Variants in VPS13D observed in about 807,000 individuals in gnomAD.
The protein encoded by VPS13D is vacuolar protein sorting 13 homolog D.
Under a neutral mutation model 461.9 loss-of-function variants are expected in VPS13D, and 187 were observed. The observed-to-expected ratio is 0.40, with a 90% CI of 0.36 to 0.46. The LOEUF is 0.46. Ranked by LOEUF, VPS13D falls within the 20% of genes least tolerant of loss-of-function variation. VPS13D has a pLI of 0.60. For missense variants in VPS13D, 4,711 were observed against 5,364.9 expected, an observed-to-expected ratio of 0.88 and a Z score of 3.81; for synonymous variants, 1,951 against 1,986.3, an observed-to-expected ratio of 0.98 and a Z score of 0.47.
intron 23 of VPS13D, among the ~76,000 whole-genome samples, chr1:12,292,795 T>G (rs1002613570): frequency 1.3e-5 from 2 of 152,126 alleles, no homozygotes; most frequent in Non-Finnish European, 2.9e-5. Context: ...AAAAACTGTT[T>G]CAAGAAGATA....
At chr1:12,322,052 C>T (rs761586632) in intron 33 of VPS13D, 88 bp downstream of exon 33, 3 of 1,519,932 alleles carry the variant, frequency 2.0e-6, no homozygotes, top group Admixed American at 2.1e-5. Flanking sequence ...GCCCAACAAC[C>T]TCTTTTTTTG....
rs574680068 is a variant in VPS13D, at chr1:12,331,384, T to G, written c.8287+1466T>G. Among the ~76,000 whole-genome samples the G allele has an allele frequency of 2.0e-5, 3 of 152,294 alleles. No individual in the cohort carries two copies. In the East Asian group the frequency reaches 5.8e-4, roughly 29 times the overall value. On this transcript the variant is annotated intron_variant, in intron 37 of 69. Coordinates refer to ENST00000620676, the MANE Select transcript of VPS13D (RefSeq NM_015378.4). ...TTTATGTTAGTTAACATTTTCCCTG[T>G]GTACCAGACTCACTTAAAGCTAACA...
chr1:12,288,211 G>A lies in VPS13D; in HGVS notation c.5635-12G>A, dbSNP rs559395827. ...AGTAATATTGGCCTTGCTTTATCTT[G>A]TCTGTTCCTAGGTTCATTCACTTTC... On this transcript the variant is annotated splice_polypyrimidine_tract_variant and intron_variant, in intron 21 of 69. Transcript: ENST00000620676. 1 of 1,606,496 alleles carries A rather than the reference G, an allele frequency of 6.2e-7. No individual in the cohort carries two copies. The highest frequency in any genetic ancestry group is 1.7e-5 in the Admixed American group (1 of 59,870).
chr1:12,294,224 T>G (rs746334835), intron 24 of VPS13D, among the ~76,000 whole-genome samples: 7 of 152,314 alleles, frequency 4.6e-5, no homozygotes, highest in African/African-American at 1.7e-4. Context: ...ATGGAAAGAA[T>G]AATATTTTAT....
rs190022281 is a variant in VPS13D at position 12,356,009 on chromosome 1, C to G, written c.9790C>G (p.Leu3264Val). ...LYDVNRRQLN[L>V]TIRIVCRAEG... is the part of the protein sequence containing the mutation. ...TGACGTCAACCGTCGGCAGCTGAAC[C>G]TCACCATCCGGATTGTGTGTCGAGC... Residue 3264 changes from leucine to valine, a missense_variant, in exon 48 of 70, where the codon CTC (leucine) becomes GTC (valine). Physicochemically the swap from Leu to Val is conservative, Grantham distance 32 (BLOSUM62 1). Around this residue, in one of 3 missense-constraint regions of VPS13D, gnomAD observed 4,411 missense variants for 4,937.8 expected, o/e 0.89. Coordinates refer to ENST00000620676, the MANE Select transcript of VPS13D (RefSeq NM_015378.4). The G allele has an allele frequency of 6.2e-7, 1 of 1,614,126 alleles. No homozygotes were observed. The highest frequency in any genetic ancestry group is 1.7e-5 in the Admixed American group (1 of 60,030).
intron 65 of VPS13D, among the ~76,000 whole-genome samples, chr1:12,451,323 C>G (rs1645259629): frequency 6.6e-6 from 1 of 152,158 alleles, no homozygotes; most frequent in South Asian, 2.1e-4. Flanking sequence ...TGAAGTACTT[C>G]TGAGATTTTT....
At chr1:12,350,787 A>G (rs928004250) in intron 46 of VPS13D, among the ~76,000 whole-genome samples, 4 of 152,228 alleles carry the variant, frequency 2.6e-5, no homozygotes, top group African/African-American at 7.2e-5. Flanking sequence ...AAATTTGACA[A>G]ACTTCTAGCA....
Position 12,257,992 on chromosome 1 carries a change from G to C in VPS13D, c.999G>C (p.Gln333His). Residue 333 changes from glutamine (Q) to histidine (H), a missense_variant, in exon 10 of 70, where the codon CAG (glutamine) becomes CAC (histidine). Coordinates refer to ENST00000620676, the MANE Select transcript of VPS13D (RefSeq NM_015378.4). ...CTAACTTGTATGAGATCAGAGAGCA[G>C]AGGAAACGTTGCACCTGGGACTTTA... ...LNANLYEIRE[Q>H]RKRCTWDFML... The C allele has an allele frequency of 6.2e-7, 1 of 1,614,218 alleles. No homozygotes were observed. Among genetic ancestry groups the C allele is most frequent in the African/African-American group, 1.3e-5 (1 of 75,052 alleles).
chr1:12,232,352 G>A (rs1009259749), intron 1 of VPS13D, among the ~76,000 whole-genome samples: 1 of 152,206 alleles, frequency 6.6e-6, no homozygotes, highest in African/African-American at 2.4e-5. Flanking sequence ...TTGGATGGCA[G>A]CCTCTCAGTT....
chr1:12,353,393 CGTGGTG>C (rs938496360), intron 46 of VPS13D, among the ~76,000 whole-genome samples: 13 of 151,746 alleles, frequency 8.6e-5, no homozygotes, highest in African/African-American at 2.9e-4. Flanking sequence ...ATTAGCTGGA[CGTGGTG>C]GTGGTCGCCT....
intron 60 of VPS13D, among the ~76,000 whole-genome samples, chr1:12,391,325 C>G (rs537450466): frequency 6.6e-6 from 1 of 152,204 alleles, no homozygotes; most frequent in South Asian, 2.1e-4. Flanking sequence ...GAACCAGGCT[C>G]TAGTCTTCCC....
In VPS13D at chr1:12,358,618, G is replaced by A; in HGVS notation, c.10141+17G>A. On this transcript the variant is annotated intron_variant, in intron 50 of 69. Coordinates refer to ENST00000620676, the MANE Select transcript of VPS13D (RefSeq NM_015378.4). The stretch of plus-strand genomic sequence containing the variant: ...ATAACATTGGTGGGTTACATTTGGG[G>A]CAGCGGGACAATCAGAACCATTGGC... The A allele has an allele frequency of 1.2e-6, 2 of 1,613,096 alleles. No individual in the cohort carries two copies. The highest frequency in any genetic ancestry group is 2.2e-5 in the South Asian group (2 of 90,952).
At chr1:12,272,390 T>C (rs1641470515) in intron 17 of VPS13D, among the ~76,000 whole-genome samples, 1 of 138,452 alleles carries the variant, frequency 7.2e-6, no homozygotes, top group Non-Finnish European at 1.5e-5. Flanking sequence ...GTTTTTTGTT[T>C]TGGTGTGTGT....
chr1:12,239,471 G>C (rs1398438335), intron 2 of VPS13D, among the ~76,000 whole-genome samples: 1 of 152,176 alleles, frequency 6.6e-6, no homozygotes. Context: ...TCCATAGGTG[G>C]CACTGGGCAG....
Position 12,318,198 on chromosome 1 carries a change from T to C in VPS13D, c.7275T>C (p.His2425=), listed in dbSNP as rs959335698. ...HTPSDIKKQN[H]VTPSRHRNSS... is the part of the protein sequence containing the mutation. ...CCAGTGATATTAAGAAACAAAATCA[T>C]GTTACTCCTTCTCGCCACCGTAACT... The change falls in exon 31 of 70, where the codon CAT becomes CAC. Residue 2425 remains histidine, a synonymous_variant. Coordinates refer to ENST00000620676, the MANE Select transcript of VPS13D (RefSeq NM_015378.4). 6.2e-7 allele frequency: 1 copy of C among 1,614,100 alleles called. No homozygotes were observed. The highest frequency in any genetic ancestry group is 8.5e-7 in the Non-Finnish European group (1 of 1,180,036).
chr1:12,251,419 T>C (rs1640727853), intron 6 of VPS13D, among the ~76,000 whole-genome samples: 1 of 152,256 alleles, frequency 6.6e-6, no homozygotes, highest in Non-Finnish European at 1.5e-5. Context: ...AGGTTTTACC[T>C]GGACTAATGA....
intron 65 of VPS13D, among the ~76,000 whole-genome samples, chr1:12,437,011 TG>T (rs1228041935): frequency 6.6e-6 from 1 of 152,162 alleles, no homozygotes; most frequent in African/African-American, 2.4e-5. Context: ...TACCTTTCAC[TG>T]AGCGGGCCCA....
At chr1:12,395,607 T>C (rs576926831) in intron 60 of VPS13D, among the ~76,000 whole-genome samples, 1 of 152,266 alleles carries the variant, frequency 6.6e-6, no homozygotes, top group African/African-American at 2.4e-5. Flanking sequence ...CCTGAGTTCA[T>C]CATTTTCTTT....
intron 33 of VPS13D, 28 bp from the exon 34 acceptor site, chr1:12,322,508 A>C (rs1415075613): frequency 6.2e-7 from 1 of 1,610,436 alleles, no homozygotes; most frequent in Non-Finnish European, 8.5e-7. Context: ...AGCTTTAAAA[A>C]ATTGCTACCT....
Sources: allele counts gnomAD v4.1 joint callset (sites outside exome capture counted in the v4.1 genomes callset), GRCh38; gene constraint gnomAD v4.1.1; regional missense constraint gnomAD v4.1.1; transcripts MANE v1.5; gene names NCBI Gene and HGNC (gene_info 2026-07-23, HGNC 2026-07-21).